Variants in CFI observed in about 807,000 individuals in gnomAD.
CFI encodes the protein complement factor I.
Under a neutral mutation model 78.8 loss-of-function variants are expected in CFI, and 66 were observed. The observed-to-expected ratio is 0.84, with a 90% CI of 0.69 to 1.03. CFI has a LOEUF of 1.03. Ranked by LOEUF, CFI falls within the 50% of genes least tolerant of loss-of-function variation. CFI has a pLI of 0.00. For missense variants in CFI, 706 were observed against 704.5 expected (o/e 1.00, Z -0.02); for synonymous variants, 250 against 232.6 (o/e 1.07, Z -0.68).
At chr4:109,785,522 T>A (rs908036378) in intron 1 of CFI, among the ~76,000 whole-genome samples, 5 of 151,978 alleles carry the variant, frequency 3.3e-5, no homozygotes, top group African/African-American at 1.2e-4. Flanking sequence ...CCACCCACAC[T>A]TTTTTGCTCT....
intron 3 of CFI, 117 bp from the exon 4 acceptor site, chr4:109,761,809 C>G (rs896204814): frequency 3.6e-6 from 3 of 838,696 alleles, no homozygotes; most frequent in Admixed American, 4.0e-5. Context: ...ATAGGAGTTA[C>G]AGCTTGGGCA....
intron 4 of CFI, 63 bp downstream of exon 4, chr4:109,761,454 A>T (rs1043274197): frequency 2.4e-5 from 35 of 1,464,740 alleles, no homozygotes; most frequent in Non-Finnish European, 3.2e-5. Flanking sequence ...TGTTTACTAT[A>T]GGCTTGGTGT....
chr4:109,751,111 C>G (rs1725078388), intron 8 of CFI, among the ~76,000 whole-genome samples: 1 of 151,826 alleles, frequency 6.6e-6, no homozygotes, highest in African/African-American at 2.4e-5. Flanking sequence ...TTAAATGTTT[C>G]TTTCTAAGGA....
At chr4:109,751,605 C>T (rs1199805850) in intron 8 of CFI, among the ~76,000 whole-genome samples, 1 of 151,902 alleles carries the variant, frequency 6.6e-6, no homozygotes, top group Non-Finnish European at 1.5e-5. Context: ...CCATGTCTGG[C>T]TAATTTTTAT....
chr4:109,777,469 C>T (rs888087495), intron 1 of CFI, among the ~76,000 whole-genome samples: 7 of 152,090 alleles, frequency 4.6e-5, no homozygotes, highest in Non-Finnish European at 1.5e-5. Flanking sequence ...CAGGAACACC[C>T]AGATTCATAA....
chr4:109,776,380 A>G (rs1470072364), intron 1 of CFI, among the ~76,000 whole-genome samples: 1 of 152,226 alleles, frequency 6.6e-6, no homozygotes, highest in East Asian at 1.9e-4. Context: ...CAATGATTGA[A>G]GATCAAATGA....
intron 1 of CFI, among the ~76,000 whole-genome samples, chr4:109,797,927 G>A (rs1446814323): frequency 1.3e-5 from 2 of 152,126 alleles, no homozygotes; most frequent in African/African-American, 2.4e-5. Flanking sequence ...TGCAGAAAGG[G>A]AAATTCTTCT....
chr4:109,741,987 G>A (rs1487467357), intron 12 of CFI: 1 of 161,322 alleles, frequency 6.2e-6, no homozygotes, highest in Non-Finnish European at 1.4e-5. Context: ...TTTCCATGGA[G>A]GGAAAAATTT....
At chr4:109,756,700 A>T (rs1456869672) in intron 7 of CFI, among the ~76,000 whole-genome samples, 1 of 151,384 alleles carries the variant, frequency 6.6e-6, no homozygotes, top group Non-Finnish European at 1.5e-5. Context: ...TCTCCACTAA[A>T]AATACAAAAA....
rs758017357 is a variant in CFI at position 109,746,360 on chromosome 4, C to A, written c.1291G>T (p.Ala431Ser). The A allele has an allele frequency of 9.3e-6, 15 of 1,614,064 alleles. No homozygotes were observed. The highest frequency in any genetic ancestry group is 1.2e-5 in the Non-Finnish European group (14 of 1,180,006). Reference sequence around the variant, plus strand: ...CCGTCTTTTTTCATTTCAATCAAAGCGATGTCATTTTGGTAAGTGCCTGCA... The same window carrying A: ...CCGTCTTTTTTCATTTCAATCAAAGAGATGTCATTTTGGTAAGTGCCTGCA... The part of the protein sequence containing the change: ...YNAGTYQNDI[A>S]LIEMKKDGNK... The change falls in exon 11 of 13, where the codon GCT becomes TCT. Residue 431 changes from alanine to serine, a missense_variant. Physicochemically the swap from Ala to Ser is moderately conservative, Grantham distance 99 (BLOSUM62 1). Transcript: ENST00000394634.
chr4:109,791,057 T>C (rs1369055871), intron 1 of CFI, among the ~76,000 whole-genome samples: 1 of 152,200 alleles, frequency 6.6e-6, no homozygotes, highest in African/African-American at 2.4e-5. Context: ...TAATTTACAC[T>C]ACCACTAAAT....
intron 11 of CFI, among the ~76,000 whole-genome samples, chr4:109,742,898 G>C (rs904073915): frequency 6.6e-6 from 1 of 152,146 alleles, no homozygotes; most frequent in African/African-American, 2.4e-5. Flanking sequence ...CAGGCAATTG[G>C]ATAGGAATCA....
chr4:109,795,435 C>CATTAATTAGTTACATAA (rs1206977369), intron 1 of CFI, among the ~76,000 whole-genome samples: 1 of 152,134 alleles, frequency 6.6e-6, no homozygotes, highest in Non-Finnish European at 1.5e-5. Context: ...AACATCCAGA[C>CATTAATTAGTTACATAA]ATTAATACAG....
intron 11 of CFI, among the ~76,000 whole-genome samples, chr4:109,743,966 C>G (rs996220245): frequency 6.6e-6 from 1 of 151,616 alleles, no homozygotes; most frequent in Admixed American, 6.6e-5. Context: ...GCCTGGACAA[C>G]AGAGCAAGAC....
intron 1 of CFI, among the ~76,000 whole-genome samples, chr4:109,786,917 C>T (rs949596161): frequency 6.6e-6 from 1 of 151,942 alleles, no homozygotes; most frequent in Non-Finnish European, 1.5e-5. Flanking sequence ...TATGCTTTAC[C>T]GGGCACAGGG....
chr4:109,742,263 C>T (rs1487237376), intron 12 of CFI: 4 of 519,140 alleles, frequency 7.7e-6, no homozygotes, highest in Non-Finnish European at 1.4e-5. Flanking sequence ...CTCTTAGTCA[C>T]CTTGCTGTGC....
chr4:109,759,045 A>T (rs1356973992), intron 6 of CFI, among the ~76,000 whole-genome samples: 1 of 152,218 alleles, frequency 6.6e-6, no homozygotes, highest in Non-Finnish European at 1.5e-5. Context: ...GTGAGCCTAC[A>T]TTGTGCCACT....
chr4:109,788,100 A>G (rs1454639193), intron 1 of CFI, among the ~76,000 whole-genome samples: 1 of 152,054 alleles, frequency 6.6e-6, no homozygotes, highest in Non-Finnish European at 1.5e-5. Context: ...ATTTGTAACT[A>G]GTGGCCCTAT....
downstream of CFI, among the ~76,000 whole-genome samples, chr4:109,738,349 T>G (rs1190410537): frequency 6.6e-6 from 1 of 152,102 alleles, no homozygotes; most frequent in Non-Finnish European, 1.5e-5. Flanking sequence ...TGACCTCAAA[T>G]GATCCACCAA....
Sources: gnomAD v4.1 joint callset for allele counts (sites outside exome capture counted in the v4.1 genomes callset) on GRCh38, gnomAD v4.1.1 for gene constraint, MANE v1.5 for transcripts, NCBI Gene and HGNC (gene_info 2026-07-23, HGNC 2026-07-21) for gene names.